Variants in CCDC18 observed in about 807,000 individuals in gnomAD.
The protein encoded by CCDC18 is coiled-coil domain containing 18, also known as coiled-coil domain-containing protein 18.
Under a neutral mutation model 196.0 loss-of-function variants are expected in CCDC18, and 157 were observed. That is an observed-to-expected ratio of 0.80 (90% confidence interval 0.70 to 0.91). CCDC18 has a LOEUF of 0.91. CCDC18 is among the 40% of genes least tolerant of loss of function. The pLI, the probability that CCDC18 is intolerant of heterozygous loss-of-function variation, is 0.00. For missense variants in CCDC18, 1,465 were observed against 1,611.6 expected (o/e 0.91, Z 1.56); for synonymous variants, 482 against 529.2 (o/e 0.91, Z 1.22).
Position 93,236,306 on chromosome 1 carries a change from GA to G in CCDC18, c.2524del (p.Met842TrpfsTer14), listed in dbSNP as rs2100783592. On this transcript the variant is annotated frameshift_variant, in exon 19 of 29. Coordinates refer to ENST00000690025, the MANE Select transcript of CCDC18 (RefSeq NM_001378204.1). LOFTEE classifies it high-confidence loss of function. ...AGGGAAAGTTCAGCTGAAAAGTTGA[GA>G]AAAATGGAGGAGAAATGTGAATCAG... ...KQRESSAEKL[R>X]KMEEKCESAA... 1 of 1,576,630 alleles carries G rather than the reference GA, an allele frequency of 6.3e-7. No homozygotes were observed. Among genetic ancestry groups the G allele is most frequent in the Admixed American group, 2.0e-5 (1 of 49,220 alleles).
At chr1:93,216,467 GGTTAAA>G (rs1656494507) in intron 12 of CCDC18, among the ~76,000 whole-genome samples, 163 bp from the exon 13 acceptor site, 2 of 151,912 alleles carry the variant, frequency 1.3e-5, no homozygotes, top group Admixed American at 1.3e-4. Flanking sequence ...TAATTATGTG[GGTTAAA>G]AAGTTATTCA....
intron 28 of CCDC18, among the ~76,000 whole-genome samples, chr1:93,274,478 G>A (rs1411172892): frequency 6.6e-6 from 1 of 151,952 alleles, no homozygotes; most frequent in Non-Finnish European, 1.5e-5. Flanking sequence ...GTAGGTTTTT[G>A]CAATATATAT....
intron 14 of CCDC18, among the ~76,000 whole-genome samples, 193 bp from the exon 15 acceptor site, chr1:93,221,416 T>C (rs765731104): frequency 6.6e-6 from 1 of 152,220 alleles, no homozygotes; most frequent in Non-Finnish European, 1.5e-5. Context: ...GTTGTCCACA[T>C]ATATGTCTTC....
intron 17 of CCDC18, among the ~76,000 whole-genome samples, chr1:93,227,243 C>A (rs1658514000): frequency 6.8e-6 from 1 of 146,504 alleles, no homozygotes; most frequent in Admixed American, 6.8e-5. Flanking sequence ...ACTGCAACCT[C>A]CACCTCCTGG....
At chr1:93,180,634 G>A (rs767295462), upstream of CCDC18, 2 of 1,335,694 alleles carry the variant, frequency 1.5e-6, no homozygotes, top group Non-Finnish European at 2.0e-6. Context: ...CACGATCCCC[G>A]GCAAGCCCCG....
At chr1:93,204,156 G>A (rs1654321090) in intron 7 of CCDC18, among the ~76,000 whole-genome samples, 1 of 152,066 alleles carries the variant, frequency 6.6e-6, no homozygotes, top group African/African-American at 2.4e-5. Flanking sequence ...GGAGATTGAA[G>A]ATGCTAGAAT....
At position 93,188,513 on chromosome 1, in the gene CCDC18, G is replaced by C. The variant is rs150828701; in HGVS notation, c.462+2010G>C. Reference sequence around the variant, plus strand: ...AAATGTCTTAATTTCTTCTTCACTCGTGATTAAATTCCAGTTTGAAAATTA... The same window carrying C: ...AAATGTCTTAATTTCTTCTTCACTCCTGATTAAATTCCAGTTTGAAAATTA... On this transcript the variant is annotated intron_variant, in intron 4 of 28. Transcript: ENST00000690025. 2.0e-3 allele frequency among the ~76,000 whole-genome samples: 308 copies of C among 152,194 alleles called. 2 individuals are homozygous for C. The highest frequency in any genetic ancestry group is 6.9e-3 in the African/African-American group (288 of 41,508).
chr1:93,218,792 G>T (rs1057208160), intron 14 of CCDC18, among the ~76,000 whole-genome samples: 2 of 151,940 alleles, frequency 1.3e-5, no homozygotes, highest in African/African-American at 4.8e-5. Flanking sequence ...ACGCAGAGGT[G>T]TGAGCCACTG....
chr1:93,278,568 T>G lies in CCDC18; in HGVS notation c.*91T>G. The G allele has an allele frequency of 1.7e-6, 1 of 588,272 alleles. No homozygotes were observed. The highest frequency in any genetic ancestry group is 5.1e-5 in the South Asian group (1 of 19,578). 36.4% of individuals were successfully genotyped at this position (588,272 alleles called of 1,614,324 possible). Reference sequence around the variant, plus strand: ...TGTAGCTCATACTTCATAGAAGCTGTTATTTTGCTTTTGAATAAATTTTAT... The same window carrying G: ...TGTAGCTCATACTTCATAGAAGCTGGTATTTTGCTTTTGAATAAATTTTAT... On this transcript the variant is annotated 3_prime_UTR_variant, in exon 29 of 29. Transcript: ENST00000690025.
intron 21 of CCDC18, among the ~76,000 whole-genome samples, chr1:93,243,773 C>G (rs779617889): frequency 6.6e-6 from 1 of 152,192 alleles, no homozygotes; most frequent in Non-Finnish European, 1.5e-5. Flanking sequence ...CACCTTTGCT[C>G]CAGTTCCCAA....
At chr1:93,240,955 T>C (rs1660690584) in intron 21 of CCDC18, among the ~76,000 whole-genome samples, 1 of 152,184 alleles carries the variant, frequency 6.6e-6, no homozygotes, top group Non-Finnish European at 1.5e-5. Context: ...GTCAACTTTA[T>C]TTCCAAAACA....
intron 12 of CCDC18, among the ~76,000 whole-genome samples, chr1:93,215,455 CTTTTTTTT>C (rs60117060): frequency 7.1e-6 from 1 of 139,914 alleles, no homozygotes; most frequent in African/African-American, 2.6e-5. Flanking sequence ...TTTTCTTTTT[CTTTTTTTT>C]TTTTTTTCTT....
rs1162599404 is a variant in CCDC18, at chr1:93,236,294, C to A, written c.2507C>A (p.Ala836Asp). 1 of 1,577,346 alleles carries A rather than the reference C, an allele frequency of 6.3e-7. No homozygotes were observed. The highest frequency in any genetic ancestry group is 8.6e-7 in the Non-Finnish European group (1 of 1,168,586). Residue 836 changes from alanine (A) to aspartate (D), a missense_variant, in exon 19 of 29, where the codon GCT becomes GAT. Coordinates refer to ENST00000690025, the MANE Select transcript of CCDC18 (RefSeq NM_001378204.1). ...QELQKQRESS[A>D]EKLRKMEEKC... ...CTTCAAAAACAAAGGGAAAGTTCAG[C>A]TGAAAAGTTGAGAAAAATGGAGGAG...
In CCDC18 at chr1:93,246,868, C is replaced by T. The variant is rs746051875; in HGVS notation, c.3112C>T (p.His1038Tyr). ...VTHLDMTIRE[H>Y]RGEMEQKIIK... ...ACATTTGGATATGACTATTCGTGAG[C>T]ACAGAGGAGAAATGGAACAAAAAAT... Residue 1038 changes from histidine (H) to tyrosine (Y), a missense_variant, in exon 23 of 29, where the codon CAC becomes TAC. By Grantham distance (83) the His-to-Tyr change is moderately conservative (BLOSUM62 2). Transcript: ENST00000690025. 6 of 1,543,202 alleles carry T rather than the reference C, an allele frequency of 3.9e-6. No homozygotes were observed. The East Asian group carries it at 1.1e-4, about 29-fold the overall frequency.
At chr1:93,276,083 G>A (rs1008001773) in intron 28 of CCDC18, among the ~76,000 whole-genome samples, 2 of 152,228 alleles carry the variant, frequency 1.3e-5, no homozygotes, top group African/African-American at 2.4e-5. Flanking sequence ...GTTGGGCTGT[G>A]CAGAGGGTAT....
chr1:93,278,421 G>T, intron 28 of CCDC18, 42 bp from the exon 29 acceptor site: 2 of 838,598 alleles, frequency 2.4e-6, no homozygotes, highest in South Asian at 2.4e-5. Flanking sequence ...AATCAGTTTA[G>T]GAATATTTCA....
At chr1:93,272,462 A>T (rs1031361954) in intron 28 of CCDC18, among the ~76,000 whole-genome samples, 7 of 152,232 alleles carry the variant, frequency 4.6e-5, no homozygotes, top group Non-Finnish European at 8.8e-5. Flanking sequence ...AAGATTCAGT[A>T]AAGGTAACTG....
chr1:93,265,532 GAA>G (rs1195182288), intron 27 of CCDC18, among the ~76,000 whole-genome samples: 3 of 152,124 alleles, frequency 2.0e-5, no homozygotes, highest in East Asian at 1.9e-4. Context: ...ATAGGAAAAA[GAA>G]AAAGACTGCA....
intron 25 of CCDC18, among the ~76,000 whole-genome samples, chr1:93,257,567 A>C (rs1272591074): frequency 6.6e-6 from 1 of 151,928 alleles, no homozygotes; most frequent in Non-Finnish European, 1.5e-5. Context: ...GAACTGAATT[A>C]AAATATTTTT....
Sources: allele counts gnomAD v4.1 joint callset (sites outside exome capture counted in the v4.1 genomes callset), GRCh38; gene constraint gnomAD v4.1.1; transcripts MANE v1.5; gene names NCBI Gene and HGNC (gene_info 2026-07-23, HGNC 2026-07-21).